Variants in CTNNA2 observed in about 807,000 individuals in gnomAD.
CTNNA2 encodes the protein catenin alpha 2.
CTNNA2 carries 42 observed loss-of-function variants against 101.0 expected under a neutral mutation model. The ratio of observed to expected loss-of-function variants is 0.42; its 90% CI spans 0.32 to 0.54. CTNNA2 has a LOEUF of 0.54. Among genes scored for constraint, CTNNA2 ranks in the 20% least tolerant of loss-of-function variants. The probability of loss-of-function intolerance (pLI) is 0.14; values close to 1 mark genes in which losing one functional copy is unlikely to be tolerated. For missense variants in CTNNA2, 871 were observed against 1,223.1 expected, an observed-to-expected ratio of 0.71 and a Z score of 4.29; for synonymous variants, 450 against 456.4, an observed-to-expected ratio of 0.99 and a Z score of 0.18.
intron 1 of CTNNA2, among the ~76,000 whole-genome samples, chr2:79,520,686 A>C (rs1672055288): frequency 6.6e-6 from 1 of 152,212 alleles, no homozygotes; most frequent in South Asian, 2.1e-4. Context: ...ATGTGCTGAG[A>C]TATTTCACAC....
chr2:79,458,745 A>T (rs1335375149), intron 4 of CTNNA2, among the ~76,000 whole-genome samples: 1 of 152,074 alleles, frequency 6.6e-6, no homozygotes, highest in Non-Finnish European at 1.5e-5. Context: ...TACCCATTTT[A>T]TTTTCCATCT....
intron 1 of CTNNA2, among the ~76,000 whole-genome samples, chr2:79,604,353 C>T (rs1305666666): frequency 6.6e-6 from 1 of 152,166 alleles, no homozygotes; most frequent in Non-Finnish European, 1.5e-5. Context: ...CACTAGGCTT[C>T]AATGTACAGT....
chr2:79,651,548 A>G lies in CTNNA2; in HGVS notation c.-5-4A>G. 2 of 1,612,188 alleles carry G rather than the reference A, an allele frequency of 1.2e-6. No individual in the cohort carries two copies. Among genetic ancestry groups the G allele is most frequent in the South Asian group, 2.2e-5 (2 of 91,026 alleles). ...TTTCTAACTGATTACATGTGTTCCC[A>G]TAGGGAGCATGACTTCGGCAACTTC... On this transcript the variant is annotated splice_polypyrimidine_tract_variant and splice_region_variant and intron_variant, in intron 1 of 18. Coordinates refer to ENST00000402739, the MANE Select transcript of CTNNA2 (RefSeq NM_001282597.3).
intron 7 of CTNNA2, among the ~76,000 whole-genome samples, chr2:80,218,497 G>T (rs1708397227): frequency 6.6e-6 from 1 of 152,250 alleles, no homozygotes; most frequent in African/African-American, 2.4e-5. Flanking sequence ...GAATAGAAAG[G>T]CAGTACAACA....
At chr2:80,475,103 C>A (rs1192121783) in intron 9 of CTNNA2, among the ~76,000 whole-genome samples, 1 of 152,134 alleles carries the variant, frequency 6.6e-6, no homozygotes, top group Non-Finnish European at 1.5e-5. Context: ...CAGTCATCAG[C>A]ACCCTTTTCC....
chr2:79,370,908 T>C (rs939249906), intron 3 of CTNNA2, among the ~76,000 whole-genome samples: 1 of 152,162 alleles, frequency 6.6e-6, no homozygotes, highest in African/African-American at 2.4e-5. Context: ...CCTAAATAAA[T>C]AAGCACTTCC....
At chr2:80,617,013 T>C (rs866432501) in intron 17 of CTNNA2, among the ~76,000 whole-genome samples, 21 of 151,884 alleles carry the variant, frequency 1.4e-4, no homozygotes, top group African/African-American at 4.8e-4. Flanking sequence ...TTCAGTTTGT[T>C]TTATTTCAAT....
At chr2:80,333,644 TG>T (rs539456903) in intron 7 of CTNNA2, among the ~76,000 whole-genome samples, 116 of 149,822 alleles carry the variant, frequency 7.7e-4, no homozygotes, top group African/African-American at 2.5e-3. Context: ...CTGGGGGAGG[TG>T]GTGGGGGGGA....
chr2:79,583,136 TTGA>T (rs1464213038), intron 1 of CTNNA2, among the ~76,000 whole-genome samples: 1 of 152,024 alleles, frequency 6.6e-6, no homozygotes, highest in African/African-American at 2.4e-5. Context: ...TAGTCATCAG[TTGA>T]TGAACTTTTG....
At position 79,687,868 on chromosome 2, in the gene CTNNA2, G is replaced by A. The variant is rs573357657; in HGVS notation, c.102+36210G>A. On this transcript the variant is annotated intron_variant, in intron 2 of 18. Coordinates refer to ENST00000402739, the MANE Select transcript of CTNNA2 (RefSeq NM_001282597.3). ...TTTTTATTTGAAGGATGAATGTCCC[G>A]GAATAGATAAGATATGAAGTCTAGA... 2.2e-4 allele frequency: 79 copies of A among 361,488 alleles called. 1 individual carries two copies. The Admixed American group carries it at 3.3e-3, about 15-fold the overall frequency. 22.4% of individuals were successfully genotyped at this position (361,488 alleles called of 1,614,324 possible). A position where few individuals can be genotyped will look rare whatever the true frequency, so the allele number is the denominator to read the frequency against.
At chr2:80,436,443 G>T (rs1023288702) in intron 9 of CTNNA2, among the ~76,000 whole-genome samples, 1 of 151,866 alleles carries the variant, frequency 6.6e-6, no homozygotes, top group African/African-American at 2.4e-5. Context: ...AGATGCTCTG[G>T]GGGGTGGTGG....
chr2:79,566,881 C>A (rs2104176063), intron 1 of CTNNA2, among the ~76,000 whole-genome samples: 1 of 152,200 alleles, frequency 6.6e-6, no homozygotes, highest in African/African-American at 2.4e-5. Flanking sequence ...ATATTTACAA[C>A]TCTCATTAAC....
In CTNNA2 at chr2:80,452,333, A is replaced by T. The variant is rs143005430; in HGVS notation, c.1290+32732A>T. Reference sequence around the variant, plus strand: ...TCTTTGTGTCTCCTATTTGACAGGCATTGTGCTAGGTACCATAAACATGGA... The same window carrying T: ...TCTTTGTGTCTCCTATTTGACAGGCTTTGTGCTAGGTACCATAAACATGGA... On this transcript the variant is annotated intron_variant, in intron 9 of 18. Coordinates refer to ENST00000402739, the MANE Select transcript of CTNNA2 (RefSeq NM_001282597.3). Among the ~76,000 whole-genome samples, 48 of 151,766 alleles carry T rather than the reference A, an allele frequency of 3.2e-4. 1 individual carries two copies. The East Asian group carries it at 6.2e-3, about 20-fold the overall frequency.
At chr2:79,787,775 T>C (rs1311441429) in intron 3 of CTNNA2, among the ~76,000 whole-genome samples, 1 of 152,058 alleles carries the variant, frequency 6.6e-6, no homozygotes, top group Non-Finnish European at 1.5e-5. Flanking sequence ...TCTCCTTTTA[T>C]CTATTGATCC....
intron 7 of CTNNA2, among the ~76,000 whole-genome samples, chr2:80,239,494 A>G (rs1709728612): frequency 2.0e-5 from 3 of 152,174 alleles, no homozygotes; most frequent in Non-Finnish European, 1.5e-5. Context: ...CAAGCCCCGC[A>G]GTGGAGGTCT....
chr2:79,800,958 T>G (rs1676109970), intron 3 of CTNNA2, among the ~76,000 whole-genome samples: 1 of 152,186 alleles, frequency 6.6e-6, no homozygotes. Context: ...TCAGTTGTTG[T>G]CTCTAGATTA....
Position 80,303,500 on chromosome 2 carries a change from T to G in CTNNA2, c.1057-89711T>G. The G allele has an allele frequency of 6.2e-7, 1 of 1,613,972 alleles. No individual in the cohort carries two copies. Among genetic ancestry groups the G allele is most frequent in the Non-Finnish European group, 8.5e-7 (1 of 1,180,006 alleles). ...AACTCGGCGCAGTTTCTGAAAGGCG[T>G]CCCCCTGCACGGAGCAGATGTGATT... On this transcript the variant is annotated intron_variant, in intron 7 of 18. Coordinates refer to ENST00000402739, the MANE Select transcript of CTNNA2 (RefSeq NM_001282597.3). The surrounding 1 kb of genome is among the most constrained non-coding windows in gnomAD (Gnocchi z 7.7).
chr2:79,956,052 G>A (rs1386644490), intron 7 of CTNNA2, among the ~76,000 whole-genome samples: 1 of 152,168 alleles, frequency 6.6e-6, no homozygotes, highest in Non-Finnish European at 1.5e-5. Flanking sequence ...CATAGATTTA[G>A]GCTAATGACT....
chr2:79,513,887 G>C (rs1671665204), intron 1 of CTNNA2, among the ~76,000 whole-genome samples: 1 of 152,054 alleles, frequency 6.6e-6, no homozygotes, highest in Admixed American at 6.5e-5. Context: ...TTGTCTCCGT[G>C]AGAAACCACA....
Sources: gnomAD v4.1 joint callset for allele counts (sites outside exome capture counted in the v4.1 genomes callset) on GRCh38, gnomAD v4.1.1 for gene constraint, Gnocchi (gnomAD v3.1) non-coding constraint, MANE v1.5 for transcripts, NCBI Gene and HGNC (gene_info 2026-07-23, HGNC 2026-07-21) for gene names.